PAX5: variants seen among roughly 807,000 people sequenced by gnomAD.
PAX5 encodes paired box 5.
PAX5 carries 9 observed loss-of-function variants against 43.7 expected under a neutral mutation model. The ratio of observed to expected loss-of-function variants is 0.21; its 90% CI spans 0.12 to 0.36. The LOEUF (loss-of-function observed/expected upper bound fraction) is 0.36. PAX5 is among the 10% of genes least tolerant of loss of function. The pLI is 1.00. For synonymous variants in PAX5, 228 were observed against 214.3 expected, an observed-to-expected ratio of 1.06 and a Z score of -0.56; for missense variants, 383 against 532.7, an observed-to-expected ratio of 0.72 and a Z score of 2.77.
rs1169716353 is a variant in PAX5 at position 36,888,203 on chromosome 9, G to A, written c.911-6098C>T. Among the ~76,000 whole-genome samples, 18 of 152,188 alleles carry A rather than the reference G, an allele frequency of 1.2e-4. 1 individual carries two copies. The highest frequency in any genetic ancestry group is 2.4e-5 in the African/African-American group (1 of 41,440). The stretch of plus-strand genomic sequence containing the variant: ...AATGTAAAATGGTACAGCTGCTTTG[G>A]AAAAGTCTGGCAGTTCTTAGACATC... On this transcript the variant is annotated intron_variant, in intron 7 of 9. Coordinates refer to ENST00000358127, the MANE Select transcript of PAX5 (RefSeq NM_016734.3).
chr9:36,985,253 C>T (rs1219032834), intron 5 of PAX5, among the ~76,000 whole-genome samples: 1 of 152,190 alleles, frequency 6.6e-6, no homozygotes, highest in Non-Finnish European at 1.5e-5. Context: ...ACACCTTTGC[C>T]AACTCTGAGC....
chr9:37,025,250 C>T (rs532125406), intron 1 of PAX5, among the ~76,000 whole-genome samples: 4 of 152,228 alleles, frequency 2.6e-5, no homozygotes, highest in Admixed American at 2.0e-4. Context: ...TGCCCGCAGC[C>T]AGCCCTGGCT....
chr9:36,911,019 C>A (rs1457490744), intron 7 of PAX5, among the ~76,000 whole-genome samples: 1 of 152,226 alleles, frequency 6.6e-6, no homozygotes, highest in Non-Finnish European at 1.5e-5. Context: ...GAGCTCCCCA[C>A]AAAGCTTCTC....
chr9:36,884,922 A>G (rs1208858152), intron 7 of PAX5, among the ~76,000 whole-genome samples: 1 of 152,208 alleles, frequency 6.6e-6, no homozygotes, highest in Non-Finnish European at 1.5e-5. Flanking sequence ...GAGCTGGCAC[A>G]TGGCCGCATG....
chr9:36,877,418 AC>A (rs1405812985), intron 8 of PAX5, among the ~76,000 whole-genome samples: 4 of 152,146 alleles, frequency 2.6e-5, no homozygotes, highest in Non-Finnish European at 5.9e-5. Context: ...GGGAAAAAAC[AC>A]CCCGAAGATT....
intron 1 of PAX5, among the ~76,000 whole-genome samples, chr9:37,021,856 A>C (rs1028496472): frequency 3.9e-5 from 6 of 152,192 alleles, no homozygotes; most frequent in African/African-American, 1.4e-4. Flanking sequence ...GCATTTATTG[A>C]TGTTGCTGGC....
intron 1 of PAX5, among the ~76,000 whole-genome samples, chr9:37,031,718 G>C (rs1379171387): frequency 1.3e-5 from 2 of 152,096 alleles, no homozygotes; most frequent in East Asian, 3.9e-4. Context: ...CCTACAGCAA[G>C]GAAGACATTA....
intron 8 of PAX5, among the ~76,000 whole-genome samples, chr9:36,876,985 A>C (rs1340928514): frequency 6.6e-6 from 1 of 152,212 alleles, no homozygotes; most frequent in African/African-American, 2.4e-5. Flanking sequence ...AGCCCAAGGC[A>C]AGCGTGCCTT....
chr9:36,998,777 A>T (rs72735671), intron 5 of PAX5, among the ~76,000 whole-genome samples: 4,036 of 152,364 alleles, frequency 0.026, 77 homozygotes, highest in Middle Eastern at 0.054. Flanking sequence ...ATTGAGATGT[A>T]CTACATGTGT....
intron 7 of PAX5, among the ~76,000 whole-genome samples, chr9:36,897,428 C>T (rs1262156129): frequency 6.6e-6 from 1 of 152,062 alleles, no homozygotes; most frequent in Admixed American, 6.5e-5. Flanking sequence ...CAGTGAACCT[C>T]ACTTCTAACT....
chr9:36,978,928 A>G (rs1400983506), intron 5 of PAX5, among the ~76,000 whole-genome samples: 2 of 152,160 alleles, frequency 1.3e-5, no homozygotes, highest in African/African-American at 4.8e-5. Context: ...ATATATATAT[A>G]TGATCTTCAA....
intron 5 of PAX5, among the ~76,000 whole-genome samples, chr9:36,972,760 G>T (rs1313453093): frequency 1.3e-5 from 2 of 152,208 alleles, no homozygotes; most frequent in Non-Finnish European, 2.9e-5. Flanking sequence ...GGGCACGGTG[G>T]CTTATGCCTA....
At chr9:36,995,001 C>T (rs1232201935) in intron 5 of PAX5, among the ~76,000 whole-genome samples, 1 of 152,092 alleles carries the variant, frequency 6.6e-6, no homozygotes, top group Non-Finnish European at 1.5e-5. Flanking sequence ...AGGTAACAAC[C>T]CACCTCTCTA....
chr9:36,999,195 T>C (rs1320082971), intron 5 of PAX5, among the ~76,000 whole-genome samples: 1 of 152,216 alleles, frequency 6.6e-6, no homozygotes, highest in African/African-American at 2.4e-5. Context: ...TTCCAAATCC[T>C]GCCGTGCTGG....
At chr9:36,923,102 T>A in intron 7 of PAX5, 1 of 408,770 alleles carries the variant, frequency 2.4e-6, no homozygotes, top group Non-Finnish European at 4.4e-6. Context: ...TCCTGCCCCC[T>A]ACCCCAAGTC....
At chr9:36,878,871 C>CT (rs2131742871) in intron 8 of PAX5, among the ~76,000 whole-genome samples, 1 of 152,352 alleles carries the variant, frequency 6.6e-6, no homozygotes, top group South Asian at 2.1e-4. Flanking sequence ...AATCCCAGCC[C>CT]TGACGCCAGG....
At chr9:36,863,437 C>T (rs1824430001) in intron 8 of PAX5, among the ~76,000 whole-genome samples, 1 of 152,138 alleles carries the variant, frequency 6.6e-6, no homozygotes, top group African/African-American at 2.4e-5. Flanking sequence ...CCTCAACTTA[C>T]ATTTATTTAG....
chr9:36,918,793 TA>T (rs1171142015), intron 7 of PAX5, among the ~76,000 whole-genome samples: 2 of 152,224 alleles, frequency 1.3e-5, no homozygotes, highest in Non-Finnish European at 2.9e-5. Flanking sequence ...GAAGAAAAGT[TA>T]GAAGCTAGCA....
At chr9:36,917,681 C>T (rs1477012961) in intron 7 of PAX5, among the ~76,000 whole-genome samples, 4 of 152,174 alleles carry the variant, frequency 2.6e-5, no homozygotes, top group East Asian at 3.8e-4. Context: ...GCATAAATGG[C>T]AGGATGCCCA....
Sources: gnomAD v4.1 joint callset for allele counts (sites outside exome capture counted in the v4.1 genomes callset) on GRCh38, gnomAD v4.1.1 for gene constraint, MANE v1.5 for transcripts, NCBI Gene and HGNC (gene_info 2026-07-23, HGNC 2026-07-21) for gene names.